DNMT3A: variants seen among roughly 807,000 people sequenced by gnomAD.
The protein encoded by DNMT3A is DNA (cytosine-5)-methyltransferase 3A.
DNMT3A carries 267 observed loss-of-function variants against 117.6 expected under a neutral mutation model. That is an observed-to-expected ratio of 2.27 (90% CI 2.05 to 2.51). The LOEUF (loss-of-function observed/expected upper bound fraction) is 2.51. Among genes scored for constraint, DNMT3A ranks in the 30% most tolerant of loss-of-function variants. DNMT3A has a pLI of 0.00. For synonymous variants in DNMT3A, 432 were observed against 474.8 expected (o/e 0.91, Z 1.17); for missense variants, 1,029 against 1,260.2 (o/e 0.82, Z 2.78).
At chr2:25,324,805 A>G (rs1009420882) in intron 1 of DNMT3A, among the ~76,000 whole-genome samples, 15 of 152,198 alleles carry the variant, frequency 9.9e-5, no homozygotes, top group African/African-American at 3.6e-4. Context: ...TGAGATGGCC[A>G]TCACCATTCC....
At chr2:25,272,943 A>AG (rs2031057500) in intron 6 of DNMT3A, among the ~76,000 whole-genome samples, 1 of 145,016 alleles carries the variant, frequency 6.9e-6, no homozygotes, top group South Asian at 2.1e-4. Context: ...CTGGGACTAT[A>AG]GGCACGCACC....
chr2:25,342,284 G>A (rs1366459101), upstream of DNMT3A: 1 of 150,110 alleles, frequency 6.7e-6, no homozygotes, highest in African/African-American at 2.4e-5. This position sits in a 1 kb window ranked among gnomAD's most constrained non-coding sequence, Gnocchi z 5.9. Flanking sequence ...GCCGCTTGGC[G>A]GAGGTCTGGA....
rs566815722 is a variant in DNMT3A at position 25,292,849 on chromosome 2, C to G, written c.177+7290G>C. Among the ~76,000 whole-genome samples the G allele has an allele frequency of 3.9e-5, 6 of 152,226 alleles. No individual in the cohort carries two copies. The South Asian group carries it at 8.3e-4, about 21-fold the overall frequency. ...CTCTCCTCCAATGGGTGTGCCGGCG[C>G]GTACCTGCAACAGGAGGAACAATGC... is the stretch of plus-strand genomic sequence containing the variant. On this transcript the variant is annotated intron_variant, in intron 3 of 22. Coordinates refer to ENST00000321117, the MANE Select transcript of DNMT3A (RefSeq NM_022552.5).
chr2:25,261,746 G>C (rs936113830), intron 6 of DNMT3A, among the ~76,000 whole-genome samples: 1 of 152,010 alleles, frequency 6.6e-6, no homozygotes, highest in Non-Finnish European at 1.5e-5. Flanking sequence ...GTTGACCCCC[G>C]GCCACCTGCT....
rs769494626 is a variant in DNMT3A, at chr2:25,300,121, G to A, written c.177+18C>T. On this transcript the variant is annotated intron_variant, in intron 3 of 22. Coordinates refer to ENST00000321117, the MANE Select transcript of DNMT3A (RefSeq NM_022552.5). Reference sequence around the variant, plus strand: ...GTTGTGTGTGTGCACAGGAGGGTGTGTAGGATGTGACACTCACCGGGGGGT... The same window carrying A: ...GTTGTGTGTGTGCACAGGAGGGTGTATAGGATGTGACACTCACCGGGGGGT... 3 of 1,611,712 alleles carry A rather than the reference G, an allele frequency of 1.9e-6. No homozygotes were observed. The highest frequency in any genetic ancestry group is 4.5e-5 in the East Asian group (2 of 44,834).
rs1673056572 is a variant in DNMT3A, at chr2:25,234,221, G to T, written c.*58C>A. 1.3e-6 allele frequency: 2 copies of T among 1,561,696 alleles called. No individual in the cohort carries two copies. The highest frequency in any genetic ancestry group is 1.4e-5 in the African/African-American group (1 of 73,788). On this transcript the variant is annotated 3_prime_UTR_variant, in exon 23 of 23. Coordinates refer to ENST00000321117, the MANE Select transcript of DNMT3A (RefSeq NM_022552.5). This position sits in a 1 kb window ranked among gnomAD's most constrained non-coding sequence, Gnocchi z 4.5. Reference sequence around the variant, plus strand: ...TGTTCTTGGTGTTTTATTATGTTTTGTGTTTTTTGTTTGTTTGTTTAACTT... The same window carrying T: ...TGTTCTTGGTGTTTTATTATGTTTTTTGTTTTTTGTTTGTTTGTTTAACTT...
chr2:25,338,487 T>G (rs1348447526), intron 1 of DNMT3A, among the ~76,000 whole-genome samples: 1 of 152,106 alleles, frequency 6.6e-6, no homozygotes, highest in Non-Finnish European at 1.5e-5. Flanking sequence ...GGCCTGTAAG[T>G]AGGCAGTGGC....
rs911287274 is a variant in DNMT3A at position 25,281,124 on chromosome 2, A to T, written c.448+1317T>A. ...CAGGCCCTTCCCACTCTCGGGAAGT[A>T]TCAGAATATGTGCAAGAGGCCTAGA... On this transcript the variant is annotated intron_variant, in intron 4 of 22. Transcript: ENST00000321117. This position sits in a 1 kb window ranked among gnomAD's most constrained non-coding sequence, Gnocchi z 4.8. 1.3e-5 allele frequency among the ~76,000 whole-genome samples: 2 copies of T among 152,158 alleles called. No individual in the cohort carries two copies. The highest frequency in any genetic ancestry group is 4.8e-5 in the African/African-American group (2 of 41,436).
rs2033724625 is a variant in DNMT3A at position 25,305,253 on chromosome 2, T to C, written c.73-5010A>G. 6.6e-6 allele frequency among the ~76,000 whole-genome samples: 1 copy of C among 152,244 alleles called. No individual in the cohort carries two copies. The highest frequency in any genetic ancestry group is 6.5e-5 in the Admixed American group (1 of 15,288). On this transcript the variant is annotated intron_variant, in intron 2 of 22. Coordinates refer to ENST00000321117, the MANE Select transcript of DNMT3A (RefSeq NM_022552.5). This position sits in a 1 kb window ranked among gnomAD's most constrained non-coding sequence, Gnocchi z 4.1. ...CTAGACTTAAACATAATTGTCACTT[T>C]GCATTTATGTCATTCTTTGCAGCTT...
intron 1 of DNMT3A, among the ~76,000 whole-genome samples, chr2:25,329,708 CACACAG>C (rs1232001388): frequency 2.7e-4 from 40 of 149,290 alleles, no homozygotes; most frequent in Non-Finnish European, 5.0e-4. Flanking sequence ...CACACACACA[CACACAG>C]ACACACAGAT....
chr2:25,324,364 C>G (rs1289835738), intron 1 of DNMT3A, among the ~76,000 whole-genome samples: 1 of 152,202 alleles, frequency 6.6e-6, no homozygotes, highest in Non-Finnish European at 1.5e-5. Flanking sequence ...AGCTAGAAAG[C>G]CCCAGGGCAG....
intron 20 of DNMT3A, among the ~76,000 whole-genome samples, chr2:25,238,715 C>A (rs578235254): frequency 2.0e-5 from 3 of 152,132 alleles, no homozygotes; most frequent in Non-Finnish European, 4.4e-5. Flanking sequence ...TGCATGCAGC[C>A]GCTGCAAGAT....
chr2:25,238,236 C>G (rs773567030), intron 20 of DNMT3A, among the ~76,000 whole-genome samples: 2 of 152,176 alleles, frequency 1.3e-5, no homozygotes, highest in Non-Finnish European at 2.9e-5. Flanking sequence ...TTCAGGCCAG[C>G]TGCCCCAATG....
chr2:25,315,898 A>C (rs1421370828), intron 1 of DNMT3A, among the ~76,000 whole-genome samples: 2 of 152,232 alleles, frequency 1.3e-5, no homozygotes, highest in African/African-American at 4.8e-5. Flanking sequence ...AAAACCTTCG[A>C]AAGGGTCAGA....
At chr2:25,245,417 CA>C (rs1674636486) in intron 12 of DNMT3A, 85 bp from the exon 13 acceptor site, 3 of 1,268,320 alleles carry the variant, frequency 2.4e-6, no homozygotes, top group African/African-American at 1.5e-5. Flanking sequence ...AGACCAGCCA[CA>C]AAAAAGGGGT....
chr2:25,297,751 C>G (rs2033178502), intron 3 of DNMT3A, among the ~76,000 whole-genome samples: 2 of 152,180 alleles, frequency 1.3e-5, no homozygotes, highest in Admixed American at 6.5e-5. Context: ...CTCAGGTGAT[C>G]CGCCCACCTT....
intron 6 of DNMT3A, among the ~76,000 whole-genome samples, chr2:25,262,088 G>T (rs1188249561): frequency 6.6e-6 from 1 of 151,528 alleles, no homozygotes; most frequent in African/African-American, 2.4e-5. Context: ...TACTCGGGAG[G>T]CTGAGGCAGG....
At chr2:25,256,176 A>G (rs1235932662) in intron 6 of DNMT3A, among the ~76,000 whole-genome samples, 1 of 152,142 alleles carries the variant, frequency 6.6e-6, no homozygotes, top group Non-Finnish European at 1.5e-5. Context: ...ACAAAAAGAG[A>G]GGTCAGGATG....
chr2:25,273,136 G>A (rs558766813), intron 6 of DNMT3A, among the ~76,000 whole-genome samples: 4 of 151,996 alleles, frequency 2.6e-5, no homozygotes, highest in East Asian at 3.9e-4. Flanking sequence ...CACCATGCCC[G>A]GCTAATTTTT....
Sources: allele counts gnomAD v4.1 joint callset (sites outside exome capture counted in the v4.1 genomes callset), GRCh38; gene constraint gnomAD v4.1.1; non-coding constraint Gnocchi (gnomAD v3.1); transcripts MANE v1.5; gene names NCBI Gene and HGNC (gene_info 2026-07-23, HGNC 2026-07-21).